The following GALNTL6 variants were observed in gnomAD, a reference collection of about 807,000 sequenced individuals.
The protein encoded by GALNTL6 is polypeptide N-acetylgalactosaminyltransferase-like 6.
Under a neutral mutation model 73.7 loss-of-function variants are expected in GALNTL6, and 46 were observed. The ratio of observed to expected loss-of-function variants is 0.62; its 90% CI spans 0.49 to 0.80. The LOEUF (loss-of-function observed/expected upper bound fraction) is 0.80, where lower values mean the gene tolerates loss of function less well. Among genes scored for constraint, GALNTL6 ranks in the 30% least tolerant of loss-of-function variants. The pLI is 0.00. For missense variants in GALNTL6, 604 were observed against 755.0 expected, an observed-to-expected ratio of 0.80 and a Z score of 2.34; for synonymous variants, 259 against 263.7, an observed-to-expected ratio of 0.98 and a Z score of 0.17.
At chr4:172,483,004 A>ATG (rs1733543464) in intron 5 of GALNTL6, among the ~76,000 whole-genome samples, 1 of 88,758 alleles carries the variant, frequency 1.1e-5, no homozygotes, top group Non-Finnish European at 2.7e-5. Context: ...AAATGAGTTT[A>ATG]TGTATATATA....
chr4:172,710,681 T>C (rs191278140), intron 5 of GALNTL6, among the ~76,000 whole-genome samples: 2 of 152,158 alleles, frequency 1.3e-5, no homozygotes, highest in Non-Finnish European at 2.9e-5. Context: ...TCTAGGAAAA[T>C]AATATCTTCA....
At chr4:172,775,976 TGAG>T (rs1351049234) in intron 5 of GALNTL6, among the ~76,000 whole-genome samples, 4 of 152,114 alleles carry the variant, frequency 2.6e-5, no homozygotes, top group African/African-American at 9.7e-5. Context: ...GCCAACAGCC[TGAG>T]TGAGGTAGGG....
chr4:172,332,773 A>C (rs550685228), intron 4 of GALNTL6, among the ~76,000 whole-genome samples: 1 of 152,288 alleles, frequency 6.6e-6, no homozygotes, highest in East Asian at 1.9e-4. Context: ...TGTGAGTCCA[A>C]GTATCTTTTT....
chr4:172,014,584 T>C (rs1741127323), intron 2 of GALNTL6, among the ~76,000 whole-genome samples: 1 of 152,098 alleles, frequency 6.6e-6, no homozygotes, highest in Non-Finnish European at 1.5e-5. Context: ...TCTTTTCTTC[T>C]GCTGGGTTTG....
At chr4:172,898,285 C>T (rs963191041) in intron 8 of GALNTL6, among the ~76,000 whole-genome samples, 2 of 77,374 alleles carry the variant, frequency 2.6e-5, no homozygotes, top group African/African-American at 1.1e-4. Flanking sequence ...AAAGTATATA[C>T]TTTATTACAC....
At chr4:172,533,014 AT>A (rs34090962) in intron 5 of GALNTL6, among the ~76,000 whole-genome samples, 22,613 of 143,414 alleles carry the variant, frequency 0.16, 1,819 homozygotes, top group Non-Finnish European at 0.21. Flanking sequence ...TTTTTGTAGA[AT>A]TTTTTTTTTT....
intron 2 of GALNTL6, among the ~76,000 whole-genome samples, chr4:171,898,201 A>G (rs1386450835): frequency 6.6e-6 from 1 of 152,106 alleles, no homozygotes; most frequent in Non-Finnish European, 1.5e-5. Context: ...ATTAAAAATA[A>G]AAAGACTTAT....
chr4:171,976,185 A>T (rs1374223366), intron 2 of GALNTL6, among the ~76,000 whole-genome samples: 1 of 152,210 alleles, frequency 6.6e-6, no homozygotes, highest in Non-Finnish European at 1.5e-5. Context: ...GACCTCCCAA[A>T]GTGCTGGGAA....
At chr4:172,944,931 G>A (rs908399885) in intron 9 of GALNTL6, among the ~76,000 whole-genome samples, 1 of 151,894 alleles carries the variant, frequency 6.6e-6, no homozygotes, top group Non-Finnish European at 1.5e-5. Context: ...GGTGGCATGC[G>A]CCTGTAATCC....
chr4:172,401,891 C>T lies in GALNTL6; in HGVS notation c.553+53202C>T, dbSNP rs564754225. Among the ~76,000 whole-genome samples, 19 of 125,466 alleles carry T rather than the reference C, an allele frequency of 1.5e-4. No homozygotes were observed. In the South Asian group the frequency reaches 3.7e-3, roughly 24 times the overall value. The allele number at this position is 125,466 out of a possible 152,430, so 82.3% of individuals were successfully genotyped here. A position where few individuals can be genotyped will look rare whatever the true frequency, so the allele number is the denominator to read the frequency against. On this transcript the variant is annotated intron_variant, in intron 5 of 12. Transcript: ENST00000506823. Reference sequence around the variant, plus strand: ...ACTAGCATTGTGCCTTCCCTGGCTTCTGGAGGAGGAAGAGAGAGAGAGAGA... The same window carrying T: ...ACTAGCATTGTGCCTTCCCTGGCTTTTGGAGGAGGAAGAGAGAGAGAGAGA...
At chr4:172,741,177 A>G (rs951235181) in intron 5 of GALNTL6, among the ~76,000 whole-genome samples, 7 of 152,138 alleles carry the variant, frequency 4.6e-5, no homozygotes, top group Non-Finnish European at 1.5e-5. Context: ...GGGCTAAAGA[A>G]AAATGAAAAT....
chr4:172,446,685 T>C (rs1205404382), intron 5 of GALNTL6, among the ~76,000 whole-genome samples: 1 of 152,146 alleles, frequency 6.6e-6, no homozygotes, highest in Non-Finnish European at 1.5e-5. Flanking sequence ...ATGAAAACGA[T>C]AGAGCTTCAT....
In GALNTL6 at chr4:172,402,807, C is replaced by T. The variant is rs561178199; in HGVS notation, c.553+54118C>T. Among the ~76,000 whole-genome samples, 50 of 151,952 alleles carry T rather than the reference C, an allele frequency of 3.3e-4. No homozygotes were observed. In the South Asian group the frequency reaches 8.7e-3, roughly 27 times the overall value. Reference sequence around the variant, plus strand: ...ATCAGAATATTCAAAATAAGAGAAACGAAGTTGAGGGTGAAAAGGAACAAA... The same window carrying T: ...ATCAGAATATTCAAAATAAGAGAAATGAAGTTGAGGGTGAAAAGGAACAAA... On this transcript the variant is annotated intron_variant, in intron 5 of 12. Transcript: ENST00000506823.
At chr4:172,483,006 G>GTATA (rs143506457) in intron 5 of GALNTL6, among the ~76,000 whole-genome samples, 2,767 of 151,034 alleles carry the variant, frequency 0.018, 36 homozygotes, top group Middle Eastern at 0.069. Context: ...ATGAGTTTAT[G>GTATA]TATATATATA....
intron 5 of GALNTL6, among the ~76,000 whole-genome samples, chr4:172,632,402 G>A (rs756122907): frequency 1.4e-4 from 21 of 152,072 alleles, no homozygotes; most frequent in Non-Finnish European, 2.8e-4. Context: ...AGGTTGAGGC[G>A]GTCTAGGATG....
At chr4:171,893,433 T>C (rs1461660317) in intron 2 of GALNTL6, among the ~76,000 whole-genome samples, 2 of 152,178 alleles carry the variant, frequency 1.3e-5, no homozygotes, top group African/African-American at 4.8e-5. Context: ...GTAAAATGAA[T>C]AATAGTACCA....
At position 172,701,556 on chromosome 4, in the gene GALNTL6, C is replaced by T. The variant is rs73869600; in HGVS notation, c.554-107805C>T. Among the ~76,000 whole-genome samples, 935 of 152,130 alleles carry T rather than the reference C, an allele frequency of 6.1e-3. 8 individuals are homozygous for T. The highest frequency in any genetic ancestry group is 0.018 in the African/African-American group (732 of 41,502). On this transcript the variant is annotated intron_variant, in intron 5 of 12. Transcript: ENST00000506823. The stretch of plus-strand genomic sequence containing the variant: ...CCCAGCTTCAATCCTAAGAAAGAAA[C>T]TCTGATGGGGTGGGCTTTAGTCGCA...
intron 5 of GALNTL6, among the ~76,000 whole-genome samples, chr4:172,665,408 A>G (rs1169270142): frequency 6.6e-6 from 1 of 152,206 alleles, no homozygotes; most frequent in Non-Finnish European, 1.5e-5. Flanking sequence ...TTATTTGCCA[A>G]ATTAAGGCAC....
At chr4:171,960,688 T>TA (rs201299722) in intron 2 of GALNTL6, among the ~76,000 whole-genome samples, 7,903 of 129,208 alleles carry the variant, frequency 0.061, 281 homozygotes, top group African/African-American at 0.077. Flanking sequence ...TGTCTTTATT[T>TA]AAAAAAAAAA....
Sources: gnomAD v4.1 joint callset for allele counts (sites outside exome capture counted in the v4.1 genomes callset) on GRCh38, gnomAD v4.1.1 for gene constraint, MANE v1.5 for transcripts, NCBI Gene and HGNC (gene_info 2026-07-23, HGNC 2026-07-21) for gene names.